Variants in ROBO2 observed in about 807,000 individuals in gnomAD.
The protein encoded by ROBO2 is roundabout guidance receptor 2, also known as roundabout homolog 2.
A neutral mutation model predicts 160.8 loss-of-function variants in ROBO2; 53 were observed. The observed-to-expected ratio is 0.33, with a 90% CI of 0.26 to 0.41. The LOEUF is 0.41. ROBO2 is among the 10% of genes least tolerant of loss of function. The pLI is 1.00. For synonymous variants in ROBO2, 664 were observed against 611.7 expected (o/e 1.09, Z -1.26); for missense variants, 1,577 against 1,722.4 (o/e 0.92, Z 1.49).
chr3:76,279,831 T>C (rs2324496), intron 2 of ROBO2, among the ~76,000 whole-genome samples: 104,288 of 151,790 alleles, frequency 0.69, 40,398 homozygotes, highest in Non-Finnish European at 0.89. Context: ...ATCTTGACTA[T>C]GATCCCTAAT....
chr3:76,915,619 A>C (rs2148956677), intron 2 of ROBO2, among the ~76,000 whole-genome samples: 1 of 151,194 alleles, frequency 6.6e-6, no homozygotes, highest in Admixed American at 6.6e-5. Context: ...GCAGTGAGCC[A>C]AGATTGCGTC....
At chr3:77,097,075 C>T (rs2071179968) in intron 1 of ROBO2, among the ~76,000 whole-genome samples, 1 of 152,158 alleles carries the variant, frequency 6.6e-6, no homozygotes, top group African/African-American at 2.4e-5. Flanking sequence ...AATCTGTGAG[C>T]CGTGTAAAAG....
At chr3:75,993,304 C>T (rs374066869) in intron 2 of ROBO2, among the ~76,000 whole-genome samples, 23 of 152,108 alleles carry the variant, frequency 1.5e-4, no homozygotes, top group African/African-American at 5.1e-4. Flanking sequence ...CTTTCTTGTG[C>T]TGTTCTCATA....
chr3:76,616,906 A>G (rs2109168269), intron 2 of ROBO2, among the ~76,000 whole-genome samples: 1 of 152,228 alleles, frequency 6.6e-6, no homozygotes, highest in South Asian at 2.1e-4. Flanking sequence ...GACTACAGGC[A>G]TGTGCCACTG....
At chr3:77,531,077 G>A (rs1173535554) in intron 6 of ROBO2, among the ~76,000 whole-genome samples, 1 of 151,924 alleles carries the variant, frequency 6.6e-6, no homozygotes, top group South Asian at 2.1e-4. Flanking sequence ...CCTTGCTTAC[G>A]AAGCCGTCCT....
chr3:77,480,635 G>A (rs532054526), intron 3 of ROBO2, among the ~76,000 whole-genome samples: 4 of 152,134 alleles, frequency 2.6e-5, no homozygotes, highest in South Asian at 4.1e-4. Context: ...GATTTTTACC[G>A]TTTGATTTAC....
chr3:76,984,492 GGGT>G (rs2060265857), intron 2 of ROBO2, among the ~76,000 whole-genome samples: 1 of 152,034 alleles, frequency 6.6e-6, no homozygotes, highest in East Asian at 1.9e-4. Context: ...GCAACCACTG[GGGT>G]ATCCACACTC....
chr3:76,130,363 G>A (rs2071180236), intron 2 of ROBO2, among the ~76,000 whole-genome samples: 1 of 151,964 alleles, frequency 6.6e-6, no homozygotes. Context: ...TTCATATGAT[G>A]GCATAGTTTT....
intron 2 of ROBO2, among the ~76,000 whole-genome samples, chr3:76,853,446 A>T (rs187838042): frequency 1.4e-3 from 215 of 152,224 alleles, no homozygotes; most frequent in African/African-American, 5.0e-3. Context: ...CTTAGTTTCT[A>T]CATTTATGTC....
intron 1 of ROBO2, among the ~76,000 whole-genome samples, chr3:77,070,002 G>T (rs1243598828): frequency 1.3e-5 from 2 of 152,052 alleles, no homozygotes; most frequent in South Asian, 2.1e-4. Flanking sequence ...ATTTCAATAC[G>T]ACTGGTGTCC....
chr3:76,422,662 G>T lies in ROBO2; in HGVS notation c.109+485060G>T, dbSNP rs2076043893. ...GCATTAATCTGGGCATCAGAAACAT[G>T]GCTGAAATTCTTAATAGCAAGGTGT... On this transcript the variant is annotated intron_variant, in intron 2 of 26. Coordinates refer to the ROBO2 transcript ENST00000487694. Among the ~76,000 whole-genome samples the T allele has an allele frequency of 2.6e-5, 4 of 152,152 alleles. No individual in the cohort carries two copies. In the South Asian group the frequency reaches 8.3e-4, roughly 32 times the overall value.
intron 21 of ROBO2, among the ~76,000 whole-genome samples, chr3:77,616,171 A>G (rs952756623): frequency 2.0e-5 from 3 of 152,210 alleles, no homozygotes; most frequent in African/African-American, 7.2e-5. Flanking sequence ...AAGACTTCAC[A>G]AAACTGATGA....
chr3:76,887,277 C>T (rs1311477218), intron 2 of ROBO2, among the ~76,000 whole-genome samples: 2 of 138,756 alleles, frequency 1.4e-5, no homozygotes, highest in Admixed American at 1.6e-4. Flanking sequence ...CAAAAATTAG[C>T]CATGTCATTT....
At chr3:76,398,581 T>C (rs1272767474) in intron 2 of ROBO2, among the ~76,000 whole-genome samples, 1 of 151,842 alleles carries the variant, frequency 6.6e-6, no homozygotes, top group Non-Finnish European at 1.5e-5. Context: ...ACGTACCCTC[T>C]TCCATTTTCA....
At chr3:77,327,494 A>C (rs2065523575) in intron 2 of ROBO2, among the ~76,000 whole-genome samples, 1 of 152,152 alleles carries the variant, frequency 6.6e-6, no homozygotes, top group Non-Finnish European at 1.5e-5. Flanking sequence ...TTACAATTTA[A>C]GACCATGCCC....
At chr3:76,051,201 T>G (rs1236906580) in intron 2 of ROBO2, among the ~76,000 whole-genome samples, 1 of 152,220 alleles carries the variant, frequency 6.6e-6, no homozygotes, top group African/African-American at 2.4e-5. Context: ...TTCAGTTATT[T>G]GAAACTCTAA....
intron 2 of ROBO2, among the ~76,000 whole-genome samples, chr3:76,644,097 A>G (rs556427567): frequency 6.6e-6 from 1 of 152,336 alleles, no homozygotes; most frequent in South Asian, 2.1e-4. Flanking sequence ...TTTGGCTAAC[A>G]ACACATTTCC....
intron 2 of ROBO2, among the ~76,000 whole-genome samples, chr3:76,242,963 C>G (rs1447638899): frequency 6.6e-6 from 1 of 152,066 alleles, no homozygotes; most frequent in South Asian, 2.1e-4. Context: ...TAACACGTAA[C>G]GTATTTATAG....
chr3:77,196,540 T>C (rs1327057660), intron 2 of ROBO2, among the ~76,000 whole-genome samples: 4 of 152,092 alleles, frequency 2.6e-5, no homozygotes, highest in South Asian at 2.1e-4. Flanking sequence ...CAAATAGTTA[T>C]GTTTTGCTCT....
Sources: gnomAD v4.1 joint callset for allele counts (sites outside exome capture counted in the v4.1 genomes callset) on GRCh38, gnomAD v4.1.1 for gene constraint, MANE v1.5 for transcripts, NCBI Gene and HGNC (gene_info 2026-07-23, HGNC 2026-07-21) for gene names.